The following MSRA variants were observed in gnomAD, a reference collection of about 807,000 sequenced individuals.
MSRA encodes mitochondrial peptide methionine sulfoxide reductase.
MSRA carries 54 observed loss-of-function variants against 31.3 expected under a neutral mutation model. The ratio of observed to expected loss-of-function variants is 1.73; its 90% CI spans 1.39 to 2.17. MSRA has a LOEUF of 2.17. Ranked by LOEUF, MSRA falls within the 30% of genes most tolerant of loss-of-function variation. MSRA has a pLI of 0.00. For synonymous variants in MSRA, 169 were observed against 116.5 expected (o/e 1.45, Z -2.90); for missense variants, 507 against 300.9 (o/e 1.69, Z -5.07).
intron 3 of MSRA, among the ~76,000 whole-genome samples, chr8:10,269,971 G>C (rs895744900): frequency 6.6e-6 from 1 of 152,192 alleles, no homozygotes; most frequent in African/African-American, 2.4e-5. Context: ...TACTCTCTCT[G>C]TGACCGTGGA....
chr8:10,134,290 A>G (rs892575781), intron 1 of MSRA, among the ~76,000 whole-genome samples: 3 of 152,200 alleles, frequency 2.0e-5, no homozygotes, highest in Non-Finnish European at 4.4e-5. Context: ...ACGTAAGACA[A>G]TGGGAAAAAA....
chr8:10,307,474 T>C (rs7833764), intron 4 of MSRA, among the ~76,000 whole-genome samples: 149,366 of 152,332 alleles, frequency 0.98, 73,297 homozygotes, highest in Middle Eastern at 1. Flanking sequence ...CTGGGGTGCA[T>C]ATTTTTATGG....
Position 10,174,111 on chromosome 8 carries a change from T to C in MSRA, c.143-33722T>C, listed in dbSNP as rs1207646622. On this transcript the variant is annotated intron_variant, in intron 1 of 5. Transcript: ENST00000317173. The stretch of plus-strand genomic sequence containing the variant: ...GGGAATGTGCCAATTAGACCAGTAA[T>C]GGAGGGAAGGTTTCGGGGAAGGAGG... 2.0e-5 allele frequency among the ~76,000 whole-genome samples: 3 copies of C among 152,086 alleles called. No homozygotes were observed. The East Asian group carries it at 5.8e-4, about 29-fold the overall frequency.
chr8:10,141,650 T>C (rs747921447), intron 1 of MSRA, among the ~76,000 whole-genome samples: 12 of 152,136 alleles, frequency 7.9e-5, no homozygotes, highest in Non-Finnish European at 1.3e-4. Flanking sequence ...AATGCTGTAG[T>C]AGACCTCTGA....
chr8:10,221,598 A>C (rs1810508553), intron 2 of MSRA, among the ~76,000 whole-genome samples: 1 of 152,150 alleles, frequency 6.6e-6, no homozygotes, highest in Non-Finnish European at 1.5e-5. Context: ...CAGATGGTTT[A>C]TTTATTGCAA....
intron 3 of MSRA, among the ~76,000 whole-genome samples, chr8:10,246,099 T>C (rs1327491637): frequency 2.0e-5 from 3 of 152,252 alleles, no homozygotes; most frequent in Admixed American, 2.0e-4. Context: ...GCTGCCTATC[T>C]ATATAAGTAA....
chr8:10,079,557 G>T (rs374171406), intron 1 of MSRA, among the ~76,000 whole-genome samples: 1 of 152,182 alleles, frequency 6.6e-6, no homozygotes, highest in African/African-American at 2.4e-5. Context: ...GAAATGAATA[G>T]CTCCCTTATT....
At chr8:10,425,934 G>A (rs531172954) in intron 5 of MSRA, among the ~76,000 whole-genome samples, 3 of 152,180 alleles carry the variant, frequency 2.0e-5, no homozygotes, top group East Asian at 1.9e-4. Flanking sequence ...GGCCCTCACC[G>A]TGCCTTTTTC....
At chr8:10,304,307 G>T (rs1158820672) in intron 4 of MSRA, among the ~76,000 whole-genome samples, 1 of 152,230 alleles carries the variant, frequency 6.6e-6, no homozygotes, top group African/African-American at 2.4e-5. Flanking sequence ...AATGCACATG[G>T]AAAATATATT....
intron 1 of MSRA, among the ~76,000 whole-genome samples, chr8:10,129,819 G>A (rs939406196): frequency 1.3e-5 from 2 of 150,518 alleles, no homozygotes; most frequent in African/African-American, 4.9e-5. Context: ...TGCAAACTCT[G>A]TGTCTGGCTT....
chr8:10,352,940 A>C (rs1262504335), intron 5 of MSRA, among the ~76,000 whole-genome samples: 3 of 151,908 alleles, frequency 2.0e-5, no homozygotes, highest in African/African-American at 7.3e-5. Context: ...GCCCACTTGC[A>C]ATCTCTCCAT....
intron 2 of MSRA, among the ~76,000 whole-genome samples, chr8:10,208,999 G>A (rs17151341): frequency 0.026 from 4,029 of 152,318 alleles, 182 homozygotes; most frequent in African/African-American, 0.092. Context: ...GTGAGGATTA[G>A]CAGCTGCAGA....
chr8:10,418,255 C>G lies in MSRA; in HGVS notation c.544-9893C>G, dbSNP rs368533582. On this transcript the variant is annotated intron_variant, in intron 5 of 5. Transcript: ENST00000317173. ...GAGAAGACATAATGAGGCTTGCAGT[C>G]TGATGAGGTTTGAACTGCAGGTACC... 3.0e-4 allele frequency among the ~76,000 whole-genome samples: 46 copies of G among 152,254 alleles called. 1 individual carries two copies. The South Asian group carries it at 9.1e-3, about 30-fold the overall frequency.
chr8:10,128,833 G>T (rs1350087683), intron 1 of MSRA, among the ~76,000 whole-genome samples: 1 of 152,154 alleles, frequency 6.6e-6, no homozygotes, highest in African/African-American at 2.4e-5. Context: ...AAATGTTTAC[G>T]TTGCAATGGA....
chr8:10,168,138 G>T (rs1805304200), intron 1 of MSRA, among the ~76,000 whole-genome samples: 1 of 152,182 alleles, frequency 6.6e-6, no homozygotes, highest in African/African-American at 2.4e-5. Flanking sequence ...CTGTAAAATG[G>T]AGATAATAAA....
chr8:10,142,485 G>A (rs1370210876), intron 1 of MSRA, among the ~76,000 whole-genome samples: 3 of 152,210 alleles, frequency 2.0e-5, no homozygotes, highest in Non-Finnish European at 2.9e-5. Flanking sequence ...GAAAGCCATG[G>A]ATCAATCTCT....
At chr8:10,301,724 C>A in intron 4 of MSRA, 86 bp downstream of exon 4, 2 of 1,064,816 alleles carry the variant, frequency 1.9e-6, no homozygotes, top group Non-Finnish European at 2.8e-6. Context: ...AAGAGATGAA[C>A]CTTGAAATCA....
chr8:10,337,219 AC>A (rs1435328056), intron 5 of MSRA: 1 of 151,312 alleles, frequency 6.6e-6, no homozygotes, highest in Non-Finnish European at 1.5e-5. Context: ...TCACTCTGTC[AC>A]CCAGGCTGGA....
intron 1 of MSRA, among the ~76,000 whole-genome samples, chr8:10,111,678 G>A (rs964132518): frequency 1.3e-5 from 2 of 152,212 alleles, no homozygotes; most frequent in East Asian, 1.9e-4. Context: ...TCTTGTTCAT[G>A]TTATTGGGCT....
Sources: allele counts gnomAD v4.1 joint callset (sites outside exome capture counted in the v4.1 genomes callset), GRCh38; gene constraint gnomAD v4.1.1; transcripts MANE v1.5; gene names NCBI Gene and HGNC (gene_info 2026-07-23, HGNC 2026-07-21).